SENP5: variants seen among roughly 807,000 people sequenced by gnomAD.
SENP5 encodes sentrin-specific protease 5.
SENP5 carries 21 observed loss-of-function variants against 74.2 expected under a neutral mutation model. That is an observed-to-expected ratio of 0.28 (90% CI 0.20 to 0.41). The LOEUF is 0.41. Ranked by LOEUF, SENP5 falls within the 10% of genes least tolerant of loss-of-function variation. The probability of loss-of-function intolerance (pLI) is 1.00; values close to 1 mark genes in which losing one functional copy is unlikely to be tolerated. For synonymous variants in SENP5, 311 were observed against 312.7 expected (o/e 0.99, Z 0.06); for missense variants, 717 against 889.1 (o/e 0.81, Z 2.46).
At chr3:196,871,598 G>C (rs180726595) in intron 1 of SENP5, among the ~76,000 whole-genome samples, 27 of 152,200 alleles carry the variant, frequency 1.8e-4, no homozygotes, top group Admixed American at 1.7e-3. Flanking sequence ...AGTGGCTCAT[G>C]CCTGTAATCC....
In SENP5 at chr3:196,894,116, GTTT is replaced by G. The variant is rs34480422; in HGVS notation, c.1514-5531_1514-5529del. On this transcript the variant is annotated intron_variant, in intron 2 of 9. Transcript: ENST00000323460. ...CTCTTTTTTTCTAGATATTAATGTG[GTTT>G]TTTTTTTTTTTTTTTTTTCTGGAGA... 2.9e-3 allele frequency among the ~76,000 whole-genome samples: 268 copies of G among 93,200 alleles called. 1 individual carries two copies. Among genetic ancestry groups the G allele is most frequent in the South Asian group, 5.8e-3 (13 of 2,252 alleles). The allele number at this position is 93,200 out of a possible 152,430, so 61.1% of individuals were successfully genotyped here.
intron 6 of SENP5, among the ~76,000 whole-genome samples, chr3:196,919,383 A>G (rs1715519840): frequency 6.6e-6 from 1 of 152,244 alleles, no homozygotes; most frequent in South Asian, 2.1e-4. Flanking sequence ...CGGGAGGCTC[A>G]GGCAGAAGAA....
At chr3:196,922,044 A>T (rs1281380663) in intron 6 of SENP5, among the ~76,000 whole-genome samples, 1 of 152,200 alleles carries the variant, frequency 6.6e-6, no homozygotes, top group African/African-American at 2.4e-5. Flanking sequence ...GATATAAAAT[A>T]TGTGTTAGGA....
intron 6 of SENP5, chr3:196,914,426 GTGAT>G (rs1715266199): frequency 6.6e-6 from 1 of 151,102 alleles, no homozygotes; most frequent in Non-Finnish European, 1.5e-5. Context: ...GTAAAATATT[GTGAT>G]TGATGTCTCC....
chr3:196,914,586 A>AAAAAAATATATAT, intron 6 of SENP5: 3 of 33,494 alleles, frequency 9.0e-5, no homozygotes, highest in African/African-American at 5.4e-4. Context: ...AAAAAAAAAA[A>AAAAAAATATATAT]ATATATATAT....
intron 1 of SENP5, among the ~76,000 whole-genome samples, chr3:196,880,237 T>C (rs1713664949): frequency 6.6e-6 from 1 of 152,064 alleles, no homozygotes; most frequent in African/African-American, 2.4e-5. Flanking sequence ...TGAGCCACTG[T>C]GCCCAACCTT....
intron 5 of SENP5, among the ~76,000 whole-genome samples, chr3:196,902,832 T>C (rs1714752550): frequency 6.6e-6 from 1 of 152,218 alleles, no homozygotes; most frequent in Non-Finnish European, 1.5e-5. Flanking sequence ...GCCAAGGCCT[T>C]TTTATGGTTA....
In SENP5 at chr3:196,932,881, TG is replaced by T. The variant is rs1716087419; in HGVS notation, c.*1959del. On this transcript the variant is annotated 3_prime_UTR_variant, in exon 10 of 10. Coordinates refer to ENST00000323460, the MANE Select transcript of SENP5 (RefSeq NM_152699.5). Reference sequence around the variant, plus strand: ...ACCTGGCATGCAGAAGAGACAGAATTGTTCCTGTAAGAAAATCAACGCCGAG... The same window carrying T: ...ACCTGGCATGCAGAAGAGACAGAATTTTCCTGTAAGAAAATCAACGCCGAG... 6.6e-6 allele frequency: 1 copy of T among 151,748 alleles called. No homozygotes were observed. The highest frequency in any genetic ancestry group is 1.5e-5 in the Non-Finnish European group (1 of 67,964). 9.4% of individuals were successfully genotyped at this position (151,748 alleles called of 1,614,324 possible).
At chr3:196,895,051 G>A (rs1714382891) in intron 2 of SENP5, among the ~76,000 whole-genome samples, 1 of 152,188 alleles carries the variant, frequency 6.6e-6, no homozygotes, top group African/African-American at 2.4e-5. Context: ...TTTTGTTGGA[G>A]AACCATGTGC....
chr3:196,879,697 ACT>A (rs1349128186), intron 1 of SENP5, among the ~76,000 whole-genome samples: 1 of 151,944 alleles, frequency 6.6e-6, no homozygotes, highest in Non-Finnish European at 1.5e-5. Flanking sequence ...TTCTCCTGTG[ACT>A]CTCTGAGAAG....
chr3:196,903,275 G>A (rs916745830), intron 5 of SENP5, among the ~76,000 whole-genome samples: 1 of 152,144 alleles, frequency 6.6e-6, no homozygotes, highest in African/African-American at 2.4e-5. Context: ...GAGTAGCTGG[G>A]ATTGCAGATG....
chr3:196,900,566 C>CGTAA (rs1460048612), intron 5 of SENP5, among the ~76,000 whole-genome samples, 154 bp downstream of exon 5: 2 of 152,026 alleles, frequency 1.3e-5, no homozygotes, highest in Non-Finnish European at 2.9e-5. Context: ...TGGGCTTGAT[C>CGTAA]GTAAGTTCCA....
chr3:196,886,300 T>C lies in SENP5; in HGVS notation c.1119T>C (p.His373=), dbSNP rs764627927. 1.2e-6 allele frequency: 2 copies of C among 1,614,156 alleles called. No individual in the cohort carries two copies. The highest frequency in any genetic ancestry group is 2.2e-5 in the South Asian group (2 of 91,070). Residue 373 remains histidine, a synonymous_variant, in exon 2 of 10, where the codon CAT becomes CAC. Transcript: ENST00000323460. ...AGTGGGAGTGTACAGAGCTGATTCA[T>C]GACATCCCCTTACCAGAACATCGTT... ...SPKWECTELI[H]DIPLPEHRSN... is the part of the protein sequence containing the mutation.
chr3:196,930,508 G>A (rs982354434), intron 9 of SENP5, among the ~76,000 whole-genome samples: 3 of 152,168 alleles, frequency 2.0e-5, no homozygotes, highest in South Asian at 2.1e-4. Flanking sequence ...CCTGGGCCAC[G>A]GACAGATACT....
chr3:196,900,292 TATTTA>T, intron 4 of SENP5, 68 bp from the exon 5 acceptor site: 1 of 1,407,038 alleles, frequency 7.1e-7, no homozygotes, highest in Non-Finnish European at 9.9e-7. Context: ...TGGTTTTATT[TATTTA>T]TTTTGTTTTT....
chr3:196,917,609 CT>C (rs1479895058), intron 6 of SENP5, among the ~76,000 whole-genome samples: 6 of 152,180 alleles, frequency 3.9e-5, no homozygotes, highest in African/African-American at 7.2e-5. Flanking sequence ...TCCAATACAT[CT>C]GGCAGCAGAC....
At chr3:196,907,842 T>A (rs532608755) in intron 6 of SENP5, among the ~76,000 whole-genome samples, 7 of 151,728 alleles carry the variant, frequency 4.6e-5, no homozygotes, top group Non-Finnish European at 1.0e-4. Context: ...ATGCTGCCCG[T>A]GGGCTGTGGA....
At chr3:196,877,891 T>C (rs1365517019) in intron 1 of SENP5, among the ~76,000 whole-genome samples, 2 of 152,188 alleles carry the variant, frequency 1.3e-5, no homozygotes, top group African/African-American at 4.8e-5. Flanking sequence ...TATTTTTCCT[T>C]TTAACAAAAG....
chr3:196,881,397 G>A (rs1184524206), intron 1 of SENP5, among the ~76,000 whole-genome samples: 1 of 152,112 alleles, frequency 6.6e-6, no homozygotes, highest in African/African-American at 2.4e-5. Context: ...GTTATTAAAT[G>A]TTACCAGATT....
Sources: gnomAD v4.1 joint callset for allele counts (sites outside exome capture counted in the v4.1 genomes callset) on GRCh38, gnomAD v4.1.1 for gene constraint, MANE v1.5 for transcripts, NCBI Gene and HGNC (gene_info 2026-07-23, HGNC 2026-07-21) for gene names.